BCL7A: variants seen among roughly 807,000 people sequenced by gnomAD.
BCL7A encodes B-cell CLL/lymphoma 7 protein family member A.
Under a neutral mutation model 28.4 loss-of-function variants are expected in BCL7A, and 11 were observed. The ratio of observed to expected loss-of-function variants is 0.39; its 90% CI spans 0.24 to 0.64. The LOEUF (loss-of-function observed/expected upper bound fraction) is 0.64, where lower values mean the gene tolerates loss of function less well. Among genes scored for constraint, BCL7A ranks in the 30% least tolerant of loss-of-function variants. The pLI is 0.50. For missense variants in BCL7A, 222 were observed against 274.8 expected, an observed-to-expected ratio of 0.81 and a Z score of 1.36; for synonymous variants, 123 against 103.3, an observed-to-expected ratio of 1.19 and a Z score of -1.15.
At chr12:122,056,436 G>T (rs999468334) in intron 5 of BCL7A, among the ~76,000 whole-genome samples, 2 of 152,062 alleles carry the variant, frequency 1.3e-5, no homozygotes, top group African/African-American at 4.8e-5. Flanking sequence ...CACACATATT[G>T]TCCACAGAGC....
chr12:122,057,547 G>A lies in BCL7A; in HGVS notation c.562-1545G>A, dbSNP rs553900986. ...GCCGGGTTGGAGGGGGGGTGCGGGC[G>A]GAGAGGTGGCTTCAGGGGGTGTCCA... On this transcript the variant is annotated intron_variant, in intron 5 of 5. Transcript: ENST00000261822. Among the ~76,000 whole-genome samples the A allele has an allele frequency of 5.9e-5, 9 of 152,274 alleles. 1 individual carries two copies. In the South Asian group the frequency reaches 1.0e-3, roughly 18 times the overall value.
intron 3 of BCL7A, among the ~76,000 whole-genome samples, chr12:122,038,093 C>T (rs1883892154): frequency 6.6e-6 from 1 of 151,554 alleles, no homozygotes; most frequent in South Asian, 2.1e-4. Flanking sequence ...TGCACTCCAG[C>T]CCAGGCAACA....
intron 1 of BCL7A, among the ~76,000 whole-genome samples, chr12:122,026,357 C>A (rs973060455): frequency 6.6e-6 from 1 of 151,952 alleles, no homozygotes; most frequent in Non-Finnish European, 1.5e-5. Context: ...CCTGGAGGAT[C>A]ACTTGAGCCC....
intron 3 of BCL7A, among the ~76,000 whole-genome samples, chr12:122,042,853 A>C (rs933480151): frequency 6.6e-6 from 1 of 152,158 alleles, no homozygotes; most frequent in African/African-American, 2.4e-5. Flanking sequence ...ACAGTTCCTT[A>C]ATAGCTTTTA....
At chr12:122,033,581 G>C (rs1883786314) in intron 2 of BCL7A, among the ~76,000 whole-genome samples, 1 of 152,126 alleles carries the variant, frequency 6.6e-6, no homozygotes, top group African/African-American at 2.4e-5. Context: ...CAAAGTGCTG[G>C]GATTACCGGC....
intron 3 of BCL7A, among the ~76,000 whole-genome samples, chr12:122,037,601 A>G (rs1355533027): frequency 6.6e-6 from 1 of 150,960 alleles, no homozygotes; most frequent in African/African-American, 2.4e-5. Context: ...GCAAATCACA[A>G]GGTCAGGAGT....
Position 122,022,031 on chromosome 12 carries a change from C to A in BCL7A, c.-61C>A. On this transcript the variant is annotated 5_prime_UTR_variant, in exon 1 of 6. Coordinates refer to ENST00000261822, the MANE Select transcript of BCL7A (RefSeq NM_001024808.3). ...GGCGGGCGGGCGCGAGTGTGGCCGC[C>A]GCGGAGCGCGAGCAGGACCCGGCGG... 1 of 1,460,468 alleles carries A rather than the reference C, an allele frequency of 6.8e-7. No individual in the cohort carries two copies. Among genetic ancestry groups the A allele is most frequent in the South Asian group, 1.2e-5 (1 of 81,492 alleles). The allele number at this position is 1,460,468 out of a possible 1,614,324, so 90.5% of individuals were successfully genotyped here.
intron 3 of BCL7A, 145 bp downstream of exon 3, chr12:122,035,572 C>A: frequency 1.5e-6 from 1 of 670,476 alleles, no homozygotes; most frequent in East Asian, 2.8e-5. Context: ...GCCTCTGTGC[C>A]AAGGAGAAGA....
At chr12:122,025,489 T>C (rs1883604682) in intron 1 of BCL7A, among the ~76,000 whole-genome samples, 1 of 150,680 alleles carries the variant, frequency 6.6e-6, no homozygotes, top group Non-Finnish European at 1.5e-5. Flanking sequence ...TAGCCAGGCG[T>C]GGTGGCGGGC....
chr12:122,032,270 C>T (rs1271693737), intron 2 of BCL7A, among the ~76,000 whole-genome samples: 1 of 152,192 alleles, frequency 6.6e-6, no homozygotes, highest in African/African-American at 2.4e-5. Flanking sequence ...AGCCTGGGCT[C>T]CCGGAATCAC....
At chr12:122,040,579 A>AAAC (rs1195760232) in intron 3 of BCL7A, among the ~76,000 whole-genome samples, 1 of 151,594 alleles carries the variant, frequency 6.6e-6, no homozygotes, top group Non-Finnish European at 1.5e-5. Context: ...TGACCTGGAT[A>AAAC]AACTCTCCAG....
In BCL7A at chr12:122,060,599, C is replaced by A; in HGVS notation, c.*1436C>A. On this transcript the variant is annotated 3_prime_UTR_variant, in exon 6 of 6. Transcript: ENST00000261822. ...TAAACCTTTTCCTAAGCTTTCTTTA[C>A]TGCACTGGAGTTCTGACTCCCTTTG... The A allele has an allele frequency of 4.3e-6, 1 of 233,224 alleles. No homozygotes were observed. Among genetic ancestry groups the A allele is most frequent in the Non-Finnish European group, 8.5e-6 (1 of 117,780 alleles). 14.4% of individuals were successfully genotyped at this position (233,224 alleles called of 1,614,324 possible). A position where few individuals can be genotyped will look rare whatever the true frequency, so the allele number is the denominator to read the frequency against.
chr12:122,041,209 T>G (rs1324149370), intron 3 of BCL7A, among the ~76,000 whole-genome samples: 1 of 152,122 alleles, frequency 6.6e-6, no homozygotes, highest in Non-Finnish European at 1.5e-5. Flanking sequence ...GGCAAGTGGC[T>G]CTGCTGCTCC....
chr12:122,030,568 A>C (rs563364316), intron 1 of BCL7A, 132 bp from the exon 2 acceptor site: 4 of 797,840 alleles, frequency 5.0e-6, no homozygotes, highest in Non-Finnish European at 8.5e-6. Context: ...GCCTCCCGCT[A>C]GTGAGGGTGG....
chr12:122,043,604 C>G (rs1287400615), intron 3 of BCL7A, among the ~76,000 whole-genome samples: 1 of 152,012 alleles, frequency 6.6e-6, no homozygotes, highest in Non-Finnish European at 1.5e-5. Flanking sequence ...GAAACCCCAT[C>G]TCTACTAAAA....
At chr12:122,023,102 T>G (rs555186701) in intron 1 of BCL7A, among the ~76,000 whole-genome samples, 1 of 152,264 alleles carries the variant, frequency 6.6e-6, no homozygotes, top group East Asian at 1.9e-4. Context: ...CGTGGCCCGG[T>G]CGACATTAAG....
chr12:122,038,458 A>AAAAAAAAAAAAG (rs1883902334), intron 3 of BCL7A, among the ~76,000 whole-genome samples: 2 of 151,192 alleles, frequency 1.3e-5, no homozygotes, highest in Non-Finnish European at 1.5e-5. Context: ...AAAAAAAAAA[A>AAAAAAAAAAAAG]AGAGCAGTGG....
intron 4 of BCL7A, among the ~76,000 whole-genome samples, chr12:122,045,462 G>A (rs1192293211): frequency 6.6e-6 from 1 of 152,112 alleles, no homozygotes; most frequent in Non-Finnish European, 1.5e-5. Flanking sequence ...TAAGGCCACT[G>A]CCTGGCCTGG....
intron 4 of BCL7A, among the ~76,000 whole-genome samples, chr12:122,052,831 C>T (rs146741642): frequency 7.5e-6 from 1 of 133,368 alleles, no homozygotes; most frequent in Non-Finnish European, 1.6e-5. Context: ...TACAGGCGCG[C>T]GACACCACGC....
Sources: allele counts gnomAD v4.1 joint callset (sites outside exome capture counted in the v4.1 genomes callset), GRCh38; gene constraint gnomAD v4.1.1; transcripts MANE v1.5; gene names NCBI Gene and HGNC (gene_info 2026-07-23, HGNC 2026-07-21).